CAP2: variants seen among roughly 807,000 people sequenced by gnomAD.
CAP2 encodes cyclase associated actin cytoskeleton regulatory protein 2.
CAP2 carries 24 observed loss-of-function variants against 57.7 expected under a neutral mutation model. The observed-to-expected ratio is 0.42, with a 90% CI of 0.30 to 0.58. The LOEUF is 0.58. CAP2 is among the 20% of genes least tolerant of loss of function. The pLI is 0.22. For missense variants in CAP2, 501 were observed against 590.3 expected (o/e 0.85, Z 1.57); for synonymous variants, 194 against 207.2 (o/e 0.94, Z 0.55).
intron 7 of CAP2, among the ~76,000 whole-genome samples, chr6:17,515,303 T>G (rs1762250873): frequency 1.3e-5 from 2 of 152,328 alleles, no homozygotes; most frequent in Admixed American, 1.3e-4. Context: ...TCATGTCCTT[T>G]GCAGCAACAT....
chr6:17,414,586 A>T (rs1344740732), intron 1 of CAP2, among the ~76,000 whole-genome samples: 3 of 152,080 alleles, frequency 2.0e-5, no homozygotes, highest in Non-Finnish European at 2.9e-5. Context: ...ACATGATCTC[A>T]TTCCTTTTTA....
At chr6:17,541,726 AC>A (rs34037279) in intron 9 of CAP2, among the ~76,000 whole-genome samples, 51,894 of 152,014 alleles carry the variant, frequency 0.34, 10,761 homozygotes, top group Non-Finnish European at 0.46. Context: ...AACTATATTT[AC>A]CCTACTCTGC....
At chr6:17,419,394 T>C (rs1424395342) in intron 1 of CAP2, among the ~76,000 whole-genome samples, 2 of 152,082 alleles carry the variant, frequency 1.3e-5, no homozygotes, top group East Asian at 3.9e-4. Context: ...GGAGAAGAAT[T>C]CCAGGCACTG....
chr6:17,440,591 T>G (rs1760043041), intron 3 of CAP2, among the ~76,000 whole-genome samples: 1 of 147,006 alleles, frequency 6.8e-6, no homozygotes, highest in Non-Finnish European at 1.5e-5. Context: ...ATGCTTGTTT[T>G]GGGCTGAAAA....
rs146820285 is a variant in CAP2, at chr6:17,486,749, C to T, written c.301-20420C>T. On this transcript the variant is annotated intron_variant, in intron 4 of 12. Transcript: ENST00000229922. Reference sequence around the variant, plus strand: ...GCCTAGGGATCTAAACATGTTTTCTCTTACCCACTGTTACTGTAATCCAAA... The same window carrying T: ...GCCTAGGGATCTAAACATGTTTTCTTTTACCCACTGTTACTGTAATCCAAA... Among the ~76,000 whole-genome samples, 4 of 152,324 alleles carry T rather than the reference C, an allele frequency of 2.6e-5. No individual in the cohort carries two copies. The East Asian group carries it at 7.7e-4, about 29-fold the overall frequency.
chr6:17,506,557 T>A (rs1027859120), intron 4 of CAP2, among the ~76,000 whole-genome samples: 1 of 151,938 alleles, frequency 6.6e-6, no homozygotes, highest in Non-Finnish European at 1.5e-5. Context: ...GGAGAATTGC[T>A]TGAACCTGGG....
chr6:17,546,920 A>G (rs1176175452), intron 11 of CAP2, among the ~76,000 whole-genome samples: 2 of 152,212 alleles, frequency 1.3e-5, no homozygotes, highest in Admixed American at 1.3e-4. Flanking sequence ...ATGATTGTAT[A>G]TCTAGGAAAC....
At chr6:17,398,111 A>G (rs1192024857) in intron 1 of CAP2, among the ~76,000 whole-genome samples, 1 of 152,204 alleles carries the variant, frequency 6.6e-6, no homozygotes, top group Admixed American at 6.5e-5. Flanking sequence ...AAAATTTCAC[A>G]ACTCAATTTC....
chr6:17,486,025 T>C (rs1761410240), intron 4 of CAP2, among the ~76,000 whole-genome samples: 1 of 152,182 alleles, frequency 6.6e-6, no homozygotes, highest in Admixed American at 6.5e-5. Flanking sequence ...ACCTATAATA[T>C]ATTTGTGGCC....
At chr6:17,531,525 G>A in intron 7 of CAP2, 1 of 1,524,700 alleles carries the variant, frequency 6.6e-7, no homozygotes, top group Non-Finnish European at 9.0e-7. Flanking sequence ...AGCATCTTTT[G>A]GACAAACTTC....
intron 7 of CAP2, among the ~76,000 whole-genome samples, chr6:17,534,616 G>A (rs931802965): frequency 1.6e-4 from 25 of 152,136 alleles, no homozygotes; most frequent in African/African-American, 6.0e-4. Context: ...TCTGCCCTCC[G>A]CCCGTGCCCC....
In CAP2 at chr6:17,495,626, GA is replaced by G. The variant is rs552972389; in HGVS notation, c.301-11542del. Among the ~76,000 whole-genome samples the G allele has an allele frequency of 6.8e-4, 104 of 152,198 alleles. 1 individual carries two copies. Among genetic ancestry groups the G allele is most frequent in the Middle Eastern group, 3.4e-3 (1 of 294 alleles). On this transcript the variant is annotated intron_variant, in intron 4 of 12. Transcript: ENST00000229922. ...GGATTTATGGCATATGGAGCTATGG[GA>G]CTCCTCTGGACTTGGAAGTGACCAA...
intron 3 of CAP2, among the ~76,000 whole-genome samples, chr6:17,455,168 A>AT (rs967859535): frequency 7.9e-5 from 12 of 152,268 alleles, no homozygotes; most frequent in African/African-American, 2.9e-4. Flanking sequence ...GAAACTAGTG[A>AT]TAAGGCCCTG....
intron 7 of CAP2, among the ~76,000 whole-genome samples, chr6:17,533,900 A>C (rs1762709683): frequency 6.6e-6 from 1 of 151,894 alleles, no homozygotes; most frequent in African/African-American, 2.4e-5. Flanking sequence ...TGTTACAATG[A>C]CTCCAATAGA....
chr6:17,438,436 T>TTG (rs1759965371), intron 3 of CAP2, among the ~76,000 whole-genome samples: 5 of 116,144 alleles, frequency 4.3e-5, no homozygotes, highest in Non-Finnish European at 8.5e-5. Context: ...CAGAAGTGTT[T>TTG]TTTTTTTTTT....
At chr6:17,448,021 T>C (rs1457637717) in intron 3 of CAP2, among the ~76,000 whole-genome samples, 1 of 152,240 alleles carries the variant, frequency 6.6e-6, no homozygotes, top group African/African-American at 2.4e-5. Context: ...CAAAGGCCCT[T>C]CTATATAGGC....
At chr6:17,438,439 T>G (rs1297888842) in intron 3 of CAP2, among the ~76,000 whole-genome samples, 3 of 124,384 alleles carry the variant, frequency 2.4e-5, no homozygotes, top group African/African-American at 1.1e-4. Context: ...AAGTGTTTTT[T>G]TTTTTTTTTT....
intron 1 of CAP2, among the ~76,000 whole-genome samples, chr6:17,405,788 T>C (rs1758948986): frequency 6.6e-6 from 1 of 152,226 alleles, no homozygotes; most frequent in Non-Finnish European, 1.5e-5. Context: ...TCACTCAGGC[T>C]GGAAGGCAGT....
intron 1 of CAP2, among the ~76,000 whole-genome samples, chr6:17,402,919 A>C (rs952936188): frequency 2.0e-5 from 3 of 152,198 alleles, no homozygotes; most frequent in African/African-American, 7.2e-5. Flanking sequence ...TGACAATTAA[A>C]ATAAGTTTTG....
Sources: allele counts gnomAD v4.1 joint callset (sites outside exome capture counted in the v4.1 genomes callset), GRCh38; gene constraint gnomAD v4.1.1; transcripts MANE v1.5; gene names NCBI Gene and HGNC (gene_info 2026-07-23, HGNC 2026-07-21).